The following SPDYE9 variants were observed in gnomAD, a reference collection of about 807,000 sequenced individuals.
SPDYE9 encodes the protein Williams Beuren syndrome chromosome region 19 pseudogene.
chr7:73,083,734 C>CTTT (rs1311738954), intron 2 of SPDYE9, among the ~76,000 whole-genome samples: 66 of 10,390 alleles, frequency 6.4e-3, no homozygotes, highest in East Asian at 0.021. Context: ...TTTTTTTCTT[C>CTTT]TTTTTTTTTT....
intron 2 of SPDYE9, among the ~76,000 whole-genome samples, chr7:73,083,708 G>T: frequency 4.1e-5 from 1 of 24,676 alleles, no homozygotes; most frequent in African/African-American, 1.5e-4. Flanking sequence ...TCTCCTTCCT[G>T]ACCTCTGACC....
chr7:73,083,743 T>C (rs1801480530), intron 2 of SPDYE9, among the ~76,000 whole-genome samples: 2 of 86,020 alleles, frequency 2.3e-5, no homozygotes, highest in African/African-American at 1.1e-4. Context: ...TCTTTTTTTT[T>C]TTTTTTTTTT....
intron 2 of SPDYE9, among the ~76,000 whole-genome samples, chr7:73,083,425 A>T (rs1460040514): frequency 6.0e-4 from 27 of 44,672 alleles, no homozygotes; most frequent in Admixed American, 1.6e-3. Context: ...TAGTGGTGCA[A>T]TCTCAGCTCA....
intron 1 of SPDYE9, 31 bp downstream of exon 1, chr7:73,085,881 CAAAAA>C (rs55909686): frequency 8.8e-4 from 3 of 3,394 alleles, no homozygotes; most frequent in African/African-American, 1.3e-3. Flanking sequence ...AACTACATCT[CAAAAA>C]AAAAAAAAAA....
At chr7:73,083,734 CTTTTTT>C (rs1311738954) in intron 2 of SPDYE9, among the ~76,000 whole-genome samples, 32 of 10,378 alleles carry the variant, frequency 3.1e-3, no homozygotes, top group African/African-American at 0.018. Flanking sequence ...TTTTTTTCTT[CTTTTTT>C]TTTTTTTTTT....
At chr7:73,083,777 C>A (rs1801481094) in intron 2 of SPDYE9, among the ~76,000 whole-genome samples, 1 of 113,542 alleles carries the variant, frequency 8.8e-6, no homozygotes, top group South Asian at 3.6e-4. Context: ...TTTGAGATAG[C>A]ATCTCACTCT....
At position 73,085,894 on chromosome 7, in the gene SPDYE9, AAAAC is replaced by A. The variant is rs1801485356; in HGVS notation, c.-454+19_-454+22del. 1 of 7,852 alleles carries A rather than the reference AAAAC, an allele frequency of 1.3e-4. No individual in the cohort carries two copies. Among genetic ancestry groups the A allele is most frequent in the Non-Finnish European group, 2.6e-4 (1 of 3,916 alleles). The allele number at this position is 7,852 out of a possible 1,614,324, so 0.5% of individuals were successfully genotyped here. ...AAAACTACATCTCAAAAAAAAAAAAAAAACAAAAAAAACAAAAAGAACCTGTGGA... is the reference window on the plus strand; with the variant it reads ...AAAACTACATCTCAAAAAAAAAAAAAAAAAAAAACAAAAAGAACCTGTGGA... On this transcript the variant is annotated intron_variant, in intron 1 of 7. Transcript: ENST00000575125.
intron 2 of SPDYE9, among the ~76,000 whole-genome samples, chr7:73,083,561 A>T (rs1801477123): frequency 2.0e-5 from 1 of 50,734 alleles, no homozygotes; most frequent in African/African-American, 8.7e-5. Context: ...GGGTTTCACC[A>T]TGTTGGCCAG....
At chr7:73,080,354 TCCTG>T in intron 5 of SPDYE9, 125 bp downstream of exon 5, 1 of 114,180 alleles carries the variant, frequency 8.8e-6, no homozygotes, top group South Asian at 7.1e-5. Context: ...GAGACTATAA[TCCTG>T]TCTTTTTTGT....
At chr7:73,083,522 A>C in intron 2 of SPDYE9, among the ~76,000 whole-genome samples, 1 of 35,214 alleles carries the variant, frequency 2.8e-5, no homozygotes, top group Non-Finnish European at 6.0e-5. Context: ...CATAATGCCC[A>C]GCTCCATTTT....
At chr7:73,083,734 C>CTTTTTTTTTTTTTT (rs1311738954) in intron 2 of SPDYE9, among the ~76,000 whole-genome samples, 2 of 10,382 alleles carry the variant, frequency 1.9e-4, no homozygotes, top group Non-Finnish European at 2.9e-4. Flanking sequence ...TTTTTTTCTT[C>CTTTTTTTTTTTTTT]TTTTTTTTTT....
chr7:73,083,718 CCTTCTTTTTTTT>C, intron 2 of SPDYE9, among the ~76,000 whole-genome samples: 6 of 39,560 alleles, frequency 1.5e-4, no homozygotes, highest in African/African-American at 5.0e-4. Flanking sequence ...GACCTCTGAC[CCTTCTTTTTTTT>C]CTTCTTTTTT....
chr7:73,083,318 A>T, intron 2 of SPDYE9, among the ~76,000 whole-genome samples: 3 of 49,268 alleles, frequency 6.1e-5, no homozygotes, highest in Non-Finnish European at 9.2e-5. Context: ...ACACTGCCTC[A>T]TATCCTTCCC....
At chr7:73,083,260 A>C in intron 2 of SPDYE9, among the ~76,000 whole-genome samples, 154 bp from the exon 3 acceptor site, 1 of 18,078 alleles carries the variant, frequency 5.5e-5, no homozygotes, top group Admixed American at 5.7e-4. Flanking sequence ...GCTCAACCCC[A>C]TGTGCCACTC....
intron 2 of SPDYE9, among the ~76,000 whole-genome samples, chr7:73,083,730 T>TC (rs1801479758): frequency 1.1e-4 from 4 of 37,210 alleles, no homozygotes; most frequent in African/African-American, 1.3e-4. Context: ...TTCTTTTTTT[T>TC]CTTCTTTTTT....
At chr7:73,083,750 T>C (rs1801480788) in intron 2 of SPDYE9, among the ~76,000 whole-genome samples, 1 of 98,014 alleles carries the variant, frequency 1.0e-5, no homozygotes. Flanking sequence ...TTTTTTTTTT[T>C]TTTTTTTTTT....
chr7:73,080,266 TC>T (rs1801472153), intron 5 of SPDYE9, among the ~76,000 whole-genome samples: 1 of 1,910 alleles, frequency 5.2e-4, no homozygotes, highest in African/African-American at 6.5e-4. Context: ...TCATGTCCGC[TC>T]CTCCGCTCCT....
chr7:73,083,388 T>A (rs2129584427), intron 2 of SPDYE9, among the ~76,000 whole-genome samples: 1 of 63,868 alleles, frequency 1.6e-5, no homozygotes, highest in Non-Finnish European at 3.7e-5. Context: ...CGAGACAGAA[T>A]CTTGCTTTGT....
At chr7:73,083,734 CTTTTTTTT>C (rs1311738954) in intron 2 of SPDYE9, among the ~76,000 whole-genome samples, 35 of 10,364 alleles carry the variant, frequency 3.4e-3, no homozygotes, top group Admixed American at 9.1e-3. Flanking sequence ...TTTTTTTCTT[CTTTTTTTT>C]TTTTTTTTTT....
Sources: gnomAD v4.1 joint callset for allele counts (sites outside exome capture counted in the v4.1 genomes callset) on GRCh38, gnomAD v4.1.1 for gene constraint, MANE v1.5 for transcripts, NCBI Gene and HGNC (gene_info 2026-07-23, HGNC 2026-07-21) for gene names.